EDIL3: variants seen among roughly 807,000 people sequenced by gnomAD.
The protein encoded by EDIL3 is EGF-like repeat and discoidin I-like domain-containing protein 3.
In EDIL3, 37 loss-of-function variants were observed where a neutral mutation model predicts 67.4. The ratio of observed to expected loss-of-function variants is 0.55; its 90% CI spans 0.42 to 0.72. EDIL3 has a LOEUF of 0.72. Among genes scored for constraint, EDIL3 ranks in the 30% least tolerant of loss-of-function variants. The probability of loss-of-function intolerance (pLI) is 0.00; values close to 1 mark genes in which losing one functional copy is unlikely to be tolerated. For synonymous variants in EDIL3, 195 were observed against 196.3 expected (o/e 0.99, Z 0.05); for missense variants, 527 against 586.3 (o/e 0.90, Z 1.04).
At chr5:84,180,008 G>GTT (rs371149286) in intron 4 of EDIL3, among the ~76,000 whole-genome samples, 1,532 of 147,750 alleles carry the variant, frequency 0.01, 30 homozygotes, top group African/African-American at 0.035. Flanking sequence ...TTTGTGTTTT[G>GTT]TTTTTTTTTT....
chr5:84,017,254 C>T (rs750453034), intron 9 of EDIL3, among the ~76,000 whole-genome samples: 1 of 152,082 alleles, frequency 6.6e-6, no homozygotes, highest in African/African-American at 2.4e-5. Flanking sequence ...TTATTCTATC[C>T]GGCAATGTGC....
chr5:84,051,950 T>C (rs1386858936), intron 9 of EDIL3, among the ~76,000 whole-genome samples: 2 of 152,040 alleles, frequency 1.3e-5, no homozygotes, highest in African/African-American at 2.4e-5. Flanking sequence ...ATTCAGGAAA[T>C]ACAGAGAATG....
chr5:84,081,948 TGAG>T (rs1746978599), intron 6 of EDIL3, among the ~76,000 whole-genome samples: 1 of 152,168 alleles, frequency 6.6e-6, no homozygotes, highest in Non-Finnish European at 1.5e-5. Flanking sequence ...GATTTCAAAC[TGAG>T]TACAGTGCTG....
At position 84,384,534 on chromosome 5, in the gene EDIL3, G is replaced by C. The variant is rs1748183536; in HGVS notation, c.-160C>G. The C allele has an allele frequency of 1.6e-6, 1 of 638,164 alleles. No individual in the cohort carries two copies. The highest frequency in any genetic ancestry group is 2.1e-5 in the South Asian group (1 of 47,658). 39.5% of individuals were successfully genotyped at this position (638,164 alleles called of 1,614,324 possible). ...GCTTTGTTAAACAAATTCTTGGAGA[G>C]GGCGAGAGTGGTGACTAAAGAGAGG... On this transcript the variant is annotated 5_prime_UTR_variant, in exon 1 of 11. Coordinates refer to ENST00000296591, the MANE Select transcript of EDIL3 (RefSeq NM_005711.5).
At chr5:84,030,579 A>T (rs1745902300) in intron 9 of EDIL3, among the ~76,000 whole-genome samples, 1 of 152,224 alleles carries the variant, frequency 6.6e-6, no homozygotes, top group African/African-American at 2.4e-5. Flanking sequence ...AATATAGAAG[A>T]ATTTCAAACA....
intron 1 of EDIL3, among the ~76,000 whole-genome samples, chr5:84,323,188 C>T (rs1746684536): frequency 6.6e-6 from 1 of 151,898 alleles, no homozygotes. Context: ...TTGTTTTATA[C>T]AGAATTTAAT....
Position 84,200,619 on chromosome 5 carries a change from C to T in EDIL3, c.227-20098G>A, listed in dbSNP as rs535266070. On this transcript the variant is annotated intron_variant, in intron 3 of 10. Transcript: ENST00000296591. ...CATCCAAATTATTAAACTTGTTACA[C>T]AATTTTGTGATATATTACATTTGTT... 3.9e-5 allele frequency among the ~76,000 whole-genome samples: 6 copies of T among 152,020 alleles called. No homozygotes were observed. The South Asian group carries it at 1.2e-3, about 31-fold the overall frequency.
intron 4 of EDIL3, among the ~76,000 whole-genome samples, chr5:84,159,960 A>G (rs1224496922): frequency 6.6e-6 from 1 of 152,120 alleles, no homozygotes; most frequent in Non-Finnish European, 1.5e-5. Flanking sequence ...AATAAATGCT[A>G]GCTATTTTCT....
chr5:84,212,178 G>C (rs2112390498), intron 3 of EDIL3, among the ~76,000 whole-genome samples: 1 of 152,192 alleles, frequency 6.6e-6, no homozygotes, highest in East Asian at 1.9e-4. Context: ...TGCTGGAAAT[G>C]CAACACAAAT....
chr5:84,332,337 ACTCC>A (rs1415399532), intron 1 of EDIL3, among the ~76,000 whole-genome samples: 1 of 152,214 alleles, frequency 6.6e-6, no homozygotes, highest in Non-Finnish European at 1.5e-5. Flanking sequence ...GTGCCACTGC[ACTCC>A]AGCCTGGGCA....
At chr5:84,262,105 TAC>T (rs767808650) in intron 1 of EDIL3, among the ~76,000 whole-genome samples, 1 of 152,202 alleles carries the variant, frequency 6.6e-6, no homozygotes, top group East Asian at 1.9e-4. Flanking sequence ...TAAAAGAACC[TAC>T]AGTTTCTAGA....
intron 4 of EDIL3, among the ~76,000 whole-genome samples, chr5:84,139,715 A>G (rs1748156159): frequency 2.0e-5 from 3 of 152,202 alleles, no homozygotes; most frequent in Non-Finnish European, 2.9e-5. Context: ...TTATTCTCAT[A>G]TATACTTAGA....
chr5:84,321,012 GAT>G (rs1314793093), intron 1 of EDIL3, among the ~76,000 whole-genome samples: 12 of 152,184 alleles, frequency 7.9e-5, no homozygotes, highest in African/African-American at 2.9e-4. Context: ...AACGATTTTA[GAT>G]ATGTTTTTTC....
intron 1 of EDIL3, among the ~76,000 whole-genome samples, chr5:84,261,726 A>G (rs1282896328): frequency 6.6e-6 from 1 of 152,192 alleles, no homozygotes; most frequent in African/African-American, 2.4e-5. Context: ...ACAGAATCCA[A>G]AAATAACCAC....
rs193064448 is a variant in EDIL3 at position 84,130,505 on chromosome 5, T to C, written c.469+6736A>G. Among the ~76,000 whole-genome samples the C allele has an allele frequency of 2.3e-3, 354 of 152,284 alleles. 4 individuals are homozygous for C. Among genetic ancestry groups the C allele is most frequent in the African/African-American group, 8.2e-3 (339 of 41,580 alleles). ...TTAGGCAGTTTTCTTGTAAAACTTATGTGTGTTTTCATTCTAATTTTCACT... is the reference window on the plus strand; with the variant it reads ...TTAGGCAGTTTTCTTGTAAAACTTACGTGTGTTTTCATTCTAATTTTCACT... On this transcript the variant is annotated intron_variant, in intron 5 of 10. Transcript: ENST00000296591.
chr5:84,141,245 TA>T (rs1290568090), intron 4 of EDIL3, among the ~76,000 whole-genome samples: 2 of 151,156 alleles, frequency 1.3e-5, no homozygotes, highest in African/African-American at 4.8e-5. Context: ...TTTATAATAA[TA>T]ATATCATTTA....
chr5:84,339,529 T>C (rs565724412), intron 1 of EDIL3, among the ~76,000 whole-genome samples: 11 of 152,172 alleles, frequency 7.2e-5, no homozygotes, highest in Non-Finnish European at 1.6e-4. Context: ...AGGAAGTTTG[T>C]GTAAGGATAT....
At chr5:84,095,928 G>A (rs114431270) in intron 6 of EDIL3, among the ~76,000 whole-genome samples, 1,611 of 152,282 alleles carry the variant, frequency 0.011, 18 homozygotes, top group African/African-American at 0.036. Context: ...CAGGGTCCCC[G>A]GTGCTGTGTG....
At chr5:84,167,171 G>A (rs1207994828) in intron 4 of EDIL3, among the ~76,000 whole-genome samples, 2 of 152,006 alleles carry the variant, frequency 1.3e-5, no homozygotes, top group African/African-American at 2.4e-5. Context: ...TTAGGAGCAC[G>A]TCATAGTGCA....
Sources: allele counts gnomAD v4.1 joint callset (sites outside exome capture counted in the v4.1 genomes callset), GRCh38; gene constraint gnomAD v4.1.1; transcripts MANE v1.5; gene names NCBI Gene and HGNC (gene_info 2026-07-23, HGNC 2026-07-21).